The following SND1 variants were observed in gnomAD, a reference collection of about 807,000 sequenced individuals.
The protein encoded by SND1 is staphylococcal nuclease domain-containing protein 1.
Under a neutral mutation model 121.7 loss-of-function variants are expected in SND1, and 38 were observed. The observed-to-expected ratio is 0.31, with a 90% CI of 0.24 to 0.41. The LOEUF is 0.41. Among genes scored for constraint, SND1 ranks in the 10% least tolerant of loss-of-function variants. SND1 has a pLI of 1.00. For missense variants in SND1, 868 were observed against 1,184.6 expected, an observed-to-expected ratio of 0.73 and a Z score of 3.92; for synonymous variants, 401 against 447.4, an observed-to-expected ratio of 0.90 and a Z score of 1.31.
At chr7:127,663,655 C>T (rs1233921934) in intron 1 of SND1, among the ~76,000 whole-genome samples, 2 of 152,140 alleles carry the variant, frequency 1.3e-5, no homozygotes, top group Non-Finnish European at 2.9e-5. Flanking sequence ...GGATTACAGG[C>T]GTGAGCCACC....
intron 16 of SND1, among the ~76,000 whole-genome samples, chr7:128,071,363 A>G (rs1469081547): frequency 6.6e-6 from 1 of 152,260 alleles, no homozygotes; most frequent in African/African-American, 2.4e-5. Flanking sequence ...GCAATGGTTC[A>G]ATATTTGCAA....
chr7:127,887,315 G>A (rs1799929868), intron 12 of SND1, among the ~76,000 whole-genome samples: 1 of 152,002 alleles, frequency 6.6e-6, no homozygotes, highest in Non-Finnish European at 1.5e-5. Flanking sequence ...CTACTAGAAT[G>A]CCTCCCTCCT....
intron 13 of SND1, among the ~76,000 whole-genome samples, chr7:127,897,634 A>G (rs1369601950): frequency 2.0e-5 from 3 of 152,138 alleles, no homozygotes; most frequent in African/African-American, 7.2e-5. Context: ...GCAAATGCCA[A>G]TTTCTTGCCC....
rs968166499 is a variant in SND1 at position 128,030,230 on chromosome 7, G to T, written c.1779+39174G>T. 5.0e-6 allele frequency: 8 copies of T among 1,614,120 alleles called. No homozygotes were observed. In the African/African-American group the frequency reaches 1.1e-4, roughly 22 times the overall value. On this transcript the variant is annotated intron_variant, in intron 16 of 23. Coordinates refer to ENST00000354725, the MANE Select transcript of SND1 (RefSeq NM_014390.4). The stretch of plus-strand genomic sequence containing the variant: ...GGTATTCAAAGGCCCCGCTAGGGAT[G>T]ACTGTCAGCCAGTTGTCGAACAGCT...
intron 13 of SND1, among the ~76,000 whole-genome samples, chr7:127,904,027 C>G (rs572710857): frequency 1.2e-4 from 18 of 152,180 alleles, no homozygotes; most frequent in Non-Finnish European, 2.4e-4. Context: ...AGCTTTTATT[C>G]TGTGGTCCTT....
intron 10 of SND1, among the ~76,000 whole-genome samples, chr7:127,779,799 T>C (rs879604131): frequency 6.6e-6 from 1 of 152,216 alleles, no homozygotes; most frequent in Non-Finnish European, 1.5e-5. Flanking sequence ...TTTCCTGATT[T>C]GCCTCCTGCC....
intron 23 of SND1, 22 bp downstream of exon 23, chr7:128,091,903 C>A: frequency 6.2e-7 from 1 of 1,614,124 alleles, no homozygotes; most frequent in South Asian, 1.1e-5. Flanking sequence ...CCTTGGGAGC[C>A]CCCAGAGGGT....
At chr7:127,788,526 C>G (rs777076987) in intron 10 of SND1, among the ~76,000 whole-genome samples, 1 of 152,042 alleles carries the variant, frequency 6.6e-6, no homozygotes, top group Non-Finnish European at 1.5e-5. Flanking sequence ...TCTCTTGACC[C>G]AATACCCTCC....
intron 4 of SND1, 28 bp from the exon 5 acceptor site, chr7:127,701,135 C>G (rs761565858): frequency 3.1e-6 from 5 of 1,611,650 alleles, no homozygotes; most frequent in Non-Finnish European, 4.2e-6. Context: ...AACTCACTAA[C>G]CACTCTTGTT....
chr7:127,935,595 C>T (rs1801044713), intron 15 of SND1, among the ~76,000 whole-genome samples: 2 of 152,130 alleles, frequency 1.3e-5, no homozygotes, highest in Admixed American at 6.5e-5. Flanking sequence ...GCATGGAGAA[C>T]GTGGTTTGAG....
At chr7:128,051,079 C>T (rs1793038390) in intron 16 of SND1, among the ~76,000 whole-genome samples, 1 of 152,200 alleles carries the variant, frequency 6.6e-6, no homozygotes, top group Non-Finnish European at 1.5e-5. Flanking sequence ...GCTGACTGCT[C>T]CTTCTCTGGT....
intron 3 of SND1, among the ~76,000 whole-genome samples, chr7:127,697,051 C>A (rs975482041): frequency 1.3e-5 from 2 of 152,132 alleles, no homozygotes; most frequent in African/African-American, 4.8e-5. Context: ...TATTGCTACC[C>A]ACTTTTTTTT....
chr7:127,790,912 C>T (rs768859230), intron 10 of SND1, among the ~76,000 whole-genome samples: 50 of 152,212 alleles, frequency 3.3e-4, no homozygotes, highest in Non-Finnish European at 5.6e-4. Flanking sequence ...AAGATCCATT[C>T]GTGGAGCTTG....
At chr7:127,897,734 C>A (rs1800148252) in intron 13 of SND1, among the ~76,000 whole-genome samples, 1 of 152,104 alleles carries the variant, frequency 6.6e-6, no homozygotes, top group Non-Finnish European at 1.5e-5. Context: ...TAGAACTATT[C>A]ACATAAATAT....
chr7:127,922,301 G>T (rs1334832131), intron 14 of SND1, among the ~76,000 whole-genome samples: 1 of 147,340 alleles, frequency 6.8e-6, no homozygotes, highest in African/African-American at 2.5e-5. Context: ...ACAGGCATGA[G>T]GCCACCGTGC....
chr7:127,701,288 A>G lies in SND1; in HGVS notation c.554A>G (p.His185Arg). ...AAGTATACCATTGAAAACCCAAGGC[A>G]CTTTGTGGACTCACACCACCAGAAG... ...DLKYTIENPR[H>R]FVDSHHQKPV... Residue 185 changes from histidine (H) to arginine (R), a missense_variant, in exon 5 of 24, where the codon CAC becomes CGC. Coordinates refer to ENST00000354725, the MANE Select transcript of SND1 (RefSeq NM_014390.4). The G allele has an allele frequency of 1.2e-6, 2 of 1,614,016 alleles. No homozygotes were observed. The highest frequency in any genetic ancestry group is 1.7e-6 in the Non-Finnish European group (2 of 1,179,950).
intron 16 of SND1, among the ~76,000 whole-genome samples, chr7:128,043,466 T>G (rs1178709501): frequency 6.6e-6 from 1 of 151,718 alleles, no homozygotes; most frequent in Non-Finnish European, 1.5e-5. Context: ...CCCAGCTACT[T>G]GGGAGGCTGA....
At chr7:127,910,862 G>A (rs2116778284) in intron 14 of SND1, among the ~76,000 whole-genome samples, 1 of 152,302 alleles carries the variant, frequency 6.6e-6, no homozygotes, top group South Asian at 2.1e-4. Context: ...CTGTGACCTG[G>A]AGGGGTTGCC....
intron 10 of SND1, among the ~76,000 whole-genome samples, chr7:127,802,995 T>A (rs1218536003): frequency 6.6e-6 from 1 of 152,214 alleles, no homozygotes; most frequent in Non-Finnish European, 1.5e-5. Flanking sequence ...CTGCCCAGAT[T>A]ACTATCATAA....
Sources: gnomAD v4.1 joint callset for allele counts (sites outside exome capture counted in the v4.1 genomes callset) on GRCh38, gnomAD v4.1.1 for gene constraint, MANE v1.5 for transcripts, NCBI Gene and HGNC (gene_info 2026-07-23, HGNC 2026-07-21) for gene names.